Variants in OARD1 observed in about 807,000 individuals in gnomAD.
OARD1 encodes the protein ADP-ribose glycohydrolase OARD1.
In OARD1, 19 loss-of-function variants were observed where a neutral mutation model predicts 19.7. That is an observed-to-expected ratio of 0.96 (90% CI 0.67 to 1.41). The LOEUF (loss-of-function observed/expected upper bound fraction) is 1.41, where lower values mean the gene tolerates loss of function less well. Among genes scored for constraint, OARD1 ranks in the 40% most tolerant of loss-of-function variants. OARD1 has a pLI of 0.00. For synonymous variants in OARD1, 70 were observed against 61.8 expected, an observed-to-expected ratio of 1.13 and a Z score of -0.62; for missense variants, 190 against 183.8, an observed-to-expected ratio of 1.03 and a Z score of -0.20.
intron 1 of OARD1, among the ~76,000 whole-genome samples, chr6:41,081,211 C>T (rs764147096): frequency 1.3e-5 from 2 of 152,168 alleles, no homozygotes; most frequent in African/African-American, 2.4e-5. Context: ...AGGGCTCGGC[C>T]GGGCGCGGTG....
intron 1 of OARD1, among the ~76,000 whole-genome samples, chr6:41,090,697 GTATACAGC>G: frequency 6.6e-6 from 1 of 152,132 alleles, no homozygotes; most frequent in African/African-American, 2.4e-5. Flanking sequence ...TGACTATTAT[GTATACAGC>G]ACTTTTACTA....
rs1463862996 is a variant in OARD1 at position 41,065,336 on chromosome 6, GACTTT to G, written c.*1994_*1998del. ...ACAATGGTTTGTCTTGCAATTTTTG[GACTTT>G]ACAACGGTGCAAAAGCCATACACAT... On this transcript the variant is annotated 3_prime_UTR_variant, in exon 6 of 6. Transcript: ENST00000424266. The G allele has an allele frequency of 1.3e-5, 2 of 152,138 alleles. No homozygotes were observed. The highest frequency in any genetic ancestry group is 2.9e-5 in the Non-Finnish European group (2 of 68,024). The allele number at this position is 152,138 out of a possible 1,614,324, so 9.4% of individuals were successfully genotyped here.
intron 1 of OARD1, chr6:41,094,519 ATTC>A: frequency 6.3e-7 from 1 of 1,580,918 alleles, no homozygotes; most frequent in Non-Finnish European, 8.7e-7. Flanking sequence ...TATACATTTT[ATTC>A]TTCTCTTTAT....
At chr6:41,071,480 T>C (rs944782481) in intron 2 of OARD1, 116 bp downstream of exon 2, 2 of 1,089,782 alleles carry the variant, frequency 1.8e-6, no homozygotes, top group East Asian at 2.4e-5. Context: ...TTAAAGTAAA[T>C]CAGCTAGAGA....
intron 1 of OARD1, chr6:41,080,953 T>A: frequency 7.2e-7 from 1 of 1,391,180 alleles, no homozygotes; most frequent in Non-Finnish European, 1.0e-6. Context: ...TCTCCTCATG[T>A]CTGGTGCTGT....
At chr6:41,075,992 G>A (rs1763723485), upstream of OARD1, among the ~76,000 whole-genome samples, 1 of 152,220 alleles carries the variant, frequency 6.6e-6, no homozygotes, top group African/African-American at 2.4e-5. Flanking sequence ...GTAGGATGAT[G>A]GGGAAGCTGG....
chr6:41,081,896 C>T (rs1364778293), intron 1 of OARD1, among the ~76,000 whole-genome samples: 1 of 152,112 alleles, frequency 6.6e-6, no homozygotes, highest in Non-Finnish European at 1.5e-5. Context: ...TCTTTAGCAT[C>T]GTGTATGGCT....
chr6:41,070,283 C>T, intron 3 of OARD1, 149 bp from the exon 4 acceptor site: 1 of 610,484 alleles, frequency 1.6e-6, no homozygotes. Flanking sequence ...TTGTCTCCCA[C>T]AAACACTTTG....
intron 5 of OARD1, 141 bp downstream of exon 5, chr6:41,068,700 C>T: frequency 1.9e-6 from 1 of 521,294 alleles, no homozygotes; most frequent in East Asian, 3.3e-5. Context: ...AACTGGTTCA[C>T]TGGTGGTTTT....
upstream of OARD1, among the ~76,000 whole-genome samples, chr6:41,075,993 G>C (rs1392288485): frequency 6.6e-6 from 1 of 152,178 alleles, no homozygotes; most frequent in Non-Finnish European, 1.5e-5. Flanking sequence ...TAGGATGATG[G>C]GGAAGCTGGA....
chr6:41,080,866 C>T (rs1258918321), intron 1 of OARD1: 1 of 1,613,976 alleles, frequency 6.2e-7, no homozygotes, highest in Non-Finnish European at 8.5e-7. Context: ...GTGGCATCCG[C>T]CTCAGGCCAG....
At chr6:41,092,591 G>GT (rs937578542) in intron 1 of OARD1, among the ~76,000 whole-genome samples, 1 of 151,996 alleles carries the variant, frequency 6.6e-6, no homozygotes, top group African/African-American at 2.4e-5. Flanking sequence ...TTTTTGTGCT[G>GT]TTTTTTTGTC....
chr6:41,087,269 T>C (rs1450603490), intron 1 of OARD1, among the ~76,000 whole-genome samples: 1 of 152,202 alleles, frequency 6.6e-6, no homozygotes, highest in East Asian at 1.9e-4. Context: ...GAAAAAATAA[T>C]TCAGAAGACC....
intron 1 of OARD1, among the ~76,000 whole-genome samples, chr6:41,084,357 AC>A (rs1763985067): frequency 6.6e-6 from 1 of 152,370 alleles, no homozygotes; most frequent in East Asian, 1.9e-4. Context: ...ATAAACTAGA[AC>A]TATGCAGAAA....
intron 1 of OARD1, chr6:41,092,994 A>C: frequency 6.2e-7 from 1 of 1,614,114 alleles, no homozygotes. Context: ...GAGCCTCTCT[A>C]CGTGAATGCC....
chr6:41,084,580 A>G (rs1763990512), intron 1 of OARD1, among the ~76,000 whole-genome samples: 2 of 152,270 alleles, frequency 1.3e-5, no homozygotes, highest in Non-Finnish European at 1.5e-5. Context: ...AATAAAATCT[A>G]GATTGTTTAA....
chr6:41,089,361 A>G (rs1764137001), intron 1 of OARD1, among the ~76,000 whole-genome samples: 1 of 152,188 alleles, frequency 6.6e-6, no homozygotes, highest in Non-Finnish European at 1.5e-5. Context: ...ACCGACATTG[A>G]TTTGTTAATA....
chr6:41,068,965 G>A lies in OARD1; in HGVS notation c.244-12C>T, dbSNP rs767445910. 2 of 1,464,826 alleles carry A rather than the reference G, an allele frequency of 1.4e-6. No homozygotes were observed. Among genetic ancestry groups the A allele is most frequent in the South Asian group, 2.5e-5 (2 of 81,406 alleles). 90.7% of individuals were successfully genotyped at this position (1,464,826 alleles called of 1,614,324 possible). On this transcript the variant is annotated splice_polypyrimidine_tract_variant and intron_variant, in intron 4 of 5. Coordinates refer to ENST00000424266, the MANE Select transcript of OARD1 (RefSeq NM_001329686.2). ...CTTTTCTTTGTAATCTGAACACAAA[G>A]GATTCAAACTTTCATCATCCCAAAA...
intron 1 of OARD1, chr6:41,089,596 T>G: frequency 6.2e-7 from 1 of 1,612,468 alleles, no homozygotes; most frequent in South Asian, 1.1e-5. Flanking sequence ...TGGTCCCACC[T>G]GGACAGATCC....
Sources: gnomAD v4.1 joint callset for allele counts (sites outside exome capture counted in the v4.1 genomes callset) on GRCh38, gnomAD v4.1.1 for gene constraint, MANE v1.5 for transcripts, NCBI Gene and HGNC (gene_info 2026-07-23, HGNC 2026-07-21) for gene names.